MACF1: variants seen among roughly 807,000 people sequenced by gnomAD.
MACF1 encodes the protein microtubule actin crosslinking factor 1.
MACF1 carries 193 observed loss-of-function variants against 854.8 expected under a neutral mutation model. The observed-to-expected ratio is 0.23, with a 90% confidence interval of 0.20 to 0.25. MACF1 has a LOEUF of 0.25. Ranked by LOEUF, MACF1 falls within the 10% of genes least tolerant of loss-of-function variation. MACF1 has a pLI of 1.00. For synonymous variants in MACF1, 3,185 were observed against 3,226.7 expected, an observed-to-expected ratio of 0.99 and a Z score of 0.44; for missense variants, 7,722 against 8,929.1, an observed-to-expected ratio of 0.86 and a Z score of 5.45.
At chr1:39,411,518 GC>G in intron 58 of MACF1, 1 of 1,613,750 alleles carries the variant, frequency 6.2e-7, no homozygotes, top group Non-Finnish European at 8.5e-7. Flanking sequence ...CCCCTGGATT[GC>G]GATTGTGTTC....
intron 31 of MACF1, among the ~76,000 whole-genome samples, chr1:39,320,491 A>T (rs190647896): frequency 6.6e-6 from 1 of 152,318 alleles, no homozygotes; most frequent in Non-Finnish European, 1.5e-5. Flanking sequence ...AAAGACTAAA[A>T]TGTGGAGAAA....
intron 41 of MACF1, 41 bp downstream of exon 41, chr1:39,347,251 G>A: frequency 7.0e-7 from 1 of 1,435,618 alleles, no homozygotes. Context: ...TGTCTTTGGG[G>A]ATGTCCTCTG....
chr1:39,409,082 C>T lies in MACF1; in HGVS notation c.15817-13292C>T, dbSNP rs1308202896. ...GAGCCGCCCGCCAGCCGAGCACTTCCAGCGAGCTAGCGAGCTAGCGGGTCG... is the reference window on the plus strand; with the variant it reads ...GAGCCGCCCGCCAGCCGAGCACTTCTAGCGAGCTAGCGAGCTAGCGGGTCG... On this transcript the variant is annotated intron_variant, in intron 58 of 100. Transcript: ENST00000564288. The surrounding 1 kb of genome is among the most constrained non-coding windows in gnomAD (Gnocchi z 4.2). Among the ~76,000 whole-genome samples the T allele has an allele frequency of 1.3e-5, 2 of 151,830 alleles. No homozygotes were observed. Among genetic ancestry groups the T allele is most frequent in the Admixed American group, 6.5e-5 (1 of 15,274 alleles).
At chr1:39,318,291 G>A (rs1171084165) in intron 29 of MACF1, among the ~76,000 whole-genome samples, 162 bp from the exon 30 acceptor site, 1 of 152,166 alleles carries the variant, frequency 6.6e-6, no homozygotes, top group Non-Finnish European at 1.5e-5. Flanking sequence ...ACTGGTACAT[G>A]CATAGGTCTC....
chr1:39,322,681 G>A lies in MACF1; in HGVS notation c.4103G>A (p.Arg1368His), dbSNP rs200487900. The change falls in exon 32 of 101, where the codon CGC (arginine) becomes CAC (histidine). Residue 1368 changes from arginine (R) to histidine (H), a missense_variant. Coordinates refer to ENST00000564288, the MANE Select transcript of MACF1 (RefSeq NM_001394062.1). ...CAGAAATCCCCTGGCAAGCGCCGTC[G>A]CATGCTTTCCTCTTCAGATGCCATC... ...SQQKSPGKRR[R>H]MLSSSDAITQ... 244 of 1,614,070 alleles carry A rather than the reference G, an allele frequency of 1.5e-4. 1 individual carries two copies. In the East Asian group the frequency reaches 2.4e-3, roughly 16 times the overall value.
Position 39,268,923 on chromosome 1 carries a change from G to A in MACF1, c.528+10895G>A, listed in dbSNP as rs182024806. ...AACAGAGAGTCTCCAAAAGGAAGAC[G>A]GAGTGGGAGGGGTAGAGCATACCCC... On this transcript the variant is annotated intron_variant, in intron 6 of 100. Transcript: ENST00000564288. 2.5e-4 allele frequency: 316 copies of A among 1,287,768 alleles called. 2 individuals are homozygous for A. The East Asian group carries it at 0.011, about 46-fold the overall frequency. The allele number at this position is 1,287,768 out of a possible 1,614,324, so 79.8% of individuals were successfully genotyped here.
chr1:39,155,391 T>C (rs1474884946), intron 2 of MACF1, among the ~76,000 whole-genome samples: 2 of 152,244 alleles, frequency 1.3e-5, no homozygotes, highest in Non-Finnish European at 2.9e-5. Flanking sequence ...TAGTCGACTT[T>C]CCTTCTTTAG....
chr1:39,203,831 T>G (rs1188449950), upstream of MACF1, among the ~76,000 whole-genome samples: 1 of 152,216 alleles, frequency 6.6e-6, no homozygotes, highest in Non-Finnish European at 1.5e-5. Flanking sequence ...CACAATTTGT[T>G]TATACATTTA....
intron 1 of MACF1, among the ~76,000 whole-genome samples, chr1:39,205,800 AAT>A (rs1260767620): frequency 1.3e-5 from 2 of 151,894 alleles, no homozygotes; most frequent in African/African-American, 4.8e-5. Context: ...TTAAAAAAAA[AAT>A]TTTTTTTTGT....
At chr1:39,292,953 G>T in intron 17 of MACF1, 110 bp downstream of exon 17, 1 of 794,034 alleles carries the variant, frequency 1.3e-6, no homozygotes, top group South Asian at 1.8e-5. Context: ...TTGGTTTTCT[G>T]CTTATTAGGT....
At chr1:39,147,471 T>C (rs577674914) in intron 2 of MACF1, among the ~76,000 whole-genome samples, 11 of 150,734 alleles carry the variant, frequency 7.3e-5, no homozygotes, top group African/African-American at 2.4e-4. Context: ...TCCTCTTTTT[T>C]CCCCTCCCTT....
intron 2 of MACF1, among the ~76,000 whole-genome samples, chr1:39,123,722 T>TTG (rs1553139361): frequency 7.4e-6 from 1 of 135,898 alleles, no homozygotes; most frequent in Admixed American, 7.4e-5. Flanking sequence ...GTTTTGTTTT[T>TTG]TTTTTTTTTT....
Position 39,452,212 on chromosome 1 carries a change from A to C in MACF1, c.20475A>C (p.Ser6825=). The change falls in exon 86 of 101, where the codon TCA becomes TCC. Residue 6825 remains serine (S), a synonymous_variant. Transcript: ENST00000564288. ...RTGTVQVLKR[S]GRELIENSRD... is the part of the protein sequence containing the mutation. ...GAACCGTTCAGGTCCTGAAGCGGTC[A>C]GGCCGAGAGCTGATTGAGAATAGTC... 1 of 1,613,744 alleles carries C rather than the reference A, an allele frequency of 6.2e-7. No individual in the cohort carries two copies. Among genetic ancestry groups the C allele is most frequent in the Non-Finnish European group, 8.5e-7 (1 of 1,179,816 alleles).
intron 2 of MACF1, among the ~76,000 whole-genome samples, chr1:39,148,854 T>C (rs1643517040): frequency 6.6e-6 from 1 of 152,222 alleles, no homozygotes; most frequent in Admixed American, 6.5e-5. Context: ...TTTAAAAAAC[T>C]TTTGCCAAAC....
At chr1:39,277,747 G>A (rs1645464980) in intron 6 of MACF1, among the ~76,000 whole-genome samples, 1 of 152,154 alleles carries the variant, frequency 6.6e-6, no homozygotes. Context: ...TCACAACATT[G>A]ATCTCTTTGT....
rs767184093 is a variant in MACF1, at chr1:39,428,058, G to T, written c.16574G>T (p.Gly5525Val). 3 of 1,614,192 alleles carry T rather than the reference G, an allele frequency of 1.9e-6. No individual in the cohort carries two copies. Among genetic ancestry groups the T allele is most frequent in the South Asian group, 1.1e-5 (1 of 91,082 alleles). The change falls in exon 63 of 101, where the codon GGT (glycine) becomes GTT (valine). Residue 5525 changes from glycine (G) to valine (V), a missense_variant. By Grantham distance (109) the Gly-to-Val change is moderately radical. Coordinates refer to ENST00000564288, the MANE Select transcript of MACF1 (RefSeq NM_001394062.1). ...TCCCTGACATCTCCTGCAGAACAGG[G>T]TGTGCTGTCAGAAAAGATAGACTCA... ...LSSLTSPAEQGVLSEKIDSLQ... is the reference protein window; with the variant it reads ...LSSLTSPAEQVVLSEKIDSLQ...
rs774589213 is a variant in MACF1, at chr1:39,315,632, G to A, written c.3390G>A (p.Leu1130=). The change falls in exon 27 of 101, where the codon CTG becomes CTA. Residue 1130 remains leucine (L), a synonymous_variant. Coordinates refer to ENST00000564288, the MANE Select transcript of MACF1 (RefSeq NM_001394062.1). ...SSSVPTLRSE[L]NLLVEKMDHV... is the part of the protein sequence containing the mutation. ...GTGTCCCAACTCTGCGCTCAGAACT[G>A]AATCTGCTGGTGGAGAAGATGGACC... The A allele has an allele frequency of 6.2e-7, 1 of 1,614,146 alleles. No homozygotes were observed. The highest frequency in any genetic ancestry group is 1.1e-5 in the South Asian group (1 of 91,078).
intron 55 of MACF1, among the ~76,000 whole-genome samples, chr1:39,381,219 G>A (rs975026718): frequency 1.3e-5 from 2 of 151,870 alleles, no homozygotes; most frequent in African/African-American, 2.4e-5. Context: ...CACCATGCCC[G>A]GCTAATTTTG....
chr1:39,299,779 C>T (rs922520689), intron 21 of MACF1, among the ~76,000 whole-genome samples: 1 of 152,094 alleles, frequency 6.6e-6, no homozygotes. Flanking sequence ...ACTAGCTTCT[C>T]CTAAGCAGAA....
Sources: gnomAD v4.1 joint callset for allele counts (sites outside exome capture counted in the v4.1 genomes callset) on GRCh38, gnomAD v4.1.1 for gene constraint, Gnocchi (gnomAD v3.1) non-coding constraint, MANE v1.5 for transcripts, NCBI Gene and HGNC (gene_info 2026-07-23, HGNC 2026-07-21) for gene names.